PCCA: variants seen among roughly 807,000 people sequenced by gnomAD.
PCCA encodes the protein propionyl-CoA carboxylase subunit alpha, also known as propionyl-CoA carboxylase alpha chain, mitochondrial.
Under a neutral mutation model 101.3 loss-of-function variants are expected in PCCA, and 74 were observed. The observed-to-expected ratio is 0.73, with a 90% CI of 0.61 to 0.89. The LOEUF (loss-of-function observed/expected upper bound fraction) is 0.89. Ranked by LOEUF, PCCA falls within the 40% of genes least tolerant of loss-of-function variation. The pLI, the probability that PCCA is intolerant of heterozygous loss-of-function variation, is 0.00. For synonymous variants in PCCA, 294 were observed against 313.6 expected, an observed-to-expected ratio of 0.94 and a Z score of 0.66; for missense variants, 891 against 907.0, an observed-to-expected ratio of 0.98 and a Z score of 0.23.
At chr13:100,240,801 C>T (rs780680380) in intron 8 of PCCA, among the ~76,000 whole-genome samples, 1 of 151,970 alleles carries the variant, frequency 6.6e-6, no homozygotes, top group Non-Finnish European at 1.5e-5. Context: ...AGTATATGTC[C>T]CATTAAATAC....
chr13:100,150,536 G>A, intron 4 of PCCA: 1 of 1,324,630 alleles, frequency 7.5e-7, no homozygotes. Flanking sequence ...TCCCCGGCGA[G>A]AACCACCAAT....
chr13:100,210,939 A>T (rs1051449940), intron 7 of PCCA, among the ~76,000 whole-genome samples: 1 of 152,250 alleles, frequency 6.6e-6, no homozygotes, highest in African/African-American at 2.4e-5. Context: ...TACAAGGAAG[A>T]GGTGTTCCAC....
intron 6 of PCCA, among the ~76,000 whole-genome samples, chr13:100,208,938 A>G (rs1483726981): frequency 6.6e-6 from 1 of 152,198 alleles, no homozygotes; most frequent in Non-Finnish European, 1.5e-5. Context: ...TTCAGGAAAT[A>G]TGGATATTTG....
intron 22 of PCCA, among the ~76,000 whole-genome samples, chr13:100,520,592 G>A (rs543636748): frequency 3.0e-3 from 370 of 123,612 alleles, no homozygotes; most frequent in African/African-American, 9.5e-3. Flanking sequence ...CGGAGATCGC[G>A]CCACAGCACT....
At chr13:100,098,652 G>T (rs1277415453) in intron 1 of PCCA, among the ~76,000 whole-genome samples, 1 of 152,196 alleles carries the variant, frequency 6.6e-6, no homozygotes, top group South Asian at 2.1e-4. Flanking sequence ...TGCTACAGCG[G>T]GATGGGGAAG....
chr13:100,179,506 G>A (rs1182986658), intron 6 of PCCA, among the ~76,000 whole-genome samples: 5 of 152,106 alleles, frequency 3.3e-5, no homozygotes, highest in Non-Finnish European at 7.3e-5. Flanking sequence ...TCATTTCTGC[G>A]TTTTCAGCTC....
At chr13:100,439,159 A>G (rs924420862) in intron 20 of PCCA, among the ~76,000 whole-genome samples, 2 of 152,200 alleles carry the variant, frequency 1.3e-5, no homozygotes, top group Non-Finnish European at 2.9e-5. Flanking sequence ...TAAACCAGAG[A>G]GTGTTTACAG....
intron 12 of PCCA, among the ~76,000 whole-genome samples, chr13:100,294,663 T>C (rs891933238): frequency 6.6e-6 from 1 of 152,192 alleles, no homozygotes; most frequent in African/African-American, 2.4e-5. Flanking sequence ...CATATTTAGT[T>C]TTCCAAGATG....
chr13:100,101,685 C>T (rs999451355), intron 1 of PCCA, among the ~76,000 whole-genome samples: 11 of 152,190 alleles, frequency 7.2e-5, no homozygotes, highest in Admixed American at 6.5e-4. Context: ...CAGCAACCTC[C>T]ACCTCCTGGG....
At chr13:100,118,140 AG>A (rs1244185782) in intron 4 of PCCA, among the ~76,000 whole-genome samples, 4 of 148,690 alleles carry the variant, frequency 2.7e-5, no homozygotes, top group African/African-American at 5.1e-5. Flanking sequence ...AAAAAAAAAA[AG>A]AAAATAAGTT....
chr13:100,234,773 T>C (rs2060685978), intron 7 of PCCA, among the ~76,000 whole-genome samples: 1 of 151,796 alleles, frequency 6.6e-6, no homozygotes, highest in Non-Finnish European at 1.5e-5. Context: ...TAAAAAACAC[T>C]GGGCTTCACT....
intron 19 of PCCA, among the ~76,000 whole-genome samples, chr13:100,409,289 G>C (rs2077879044): frequency 6.6e-6 from 1 of 152,178 alleles, no homozygotes; most frequent in Admixed American, 6.5e-5. Flanking sequence ...TTCACTCACT[G>C]CTTCTTGAGC....
At chr13:100,159,003 T>A (rs2054157029) in intron 6 of PCCA, among the ~76,000 whole-genome samples, 1 of 149,166 alleles carries the variant, frequency 6.7e-6, no homozygotes, top group Non-Finnish European at 1.5e-5. Flanking sequence ...CCTATACAGT[T>A]AATACATTTA....
intron 19 of PCCA, among the ~76,000 whole-genome samples, chr13:100,404,195 G>A (rs185972353): frequency 3.9e-5 from 6 of 152,288 alleles, no homozygotes; most frequent in Admixed American, 1.3e-4. Flanking sequence ...GAAACCAGAG[G>A]ACGGGTAAAG....
At chr13:100,529,001 A>G (rs2088128984) in intron 23 of PCCA, among the ~76,000 whole-genome samples, 1 of 152,144 alleles carries the variant, frequency 6.6e-6, no homozygotes, top group Admixed American at 6.5e-5. Context: ...CTGAAGGGGC[A>G]TGGTGCCATG....
intron 10 of PCCA, among the ~76,000 whole-genome samples, chr13:100,264,644 T>C (rs557721409): frequency 5.3e-5 from 8 of 152,276 alleles, no homozygotes; most frequent in Admixed American, 4.6e-4. Context: ...TGATGGATCT[T>C]TGGGTTTTTA....
At chr13:100,469,465 T>A (rs999188489) in intron 21 of PCCA, among the ~76,000 whole-genome samples, 6 of 152,034 alleles carry the variant, frequency 3.9e-5, no homozygotes, top group Non-Finnish European at 8.8e-5. Context: ...TTCCTTGGCC[T>A]TTCTTGTACG....
At chr13:100,444,535 C>T (rs548189667) in intron 20 of PCCA, among the ~76,000 whole-genome samples, 8 of 142,570 alleles carry the variant, frequency 5.6e-5, no homozygotes, top group Admixed American at 4.6e-4. Flanking sequence ...CTCTGCCTCC[C>T]GGGTTCACGC....
chr13:100,379,663 G>A (rs1448364655), intron 19 of PCCA, among the ~76,000 whole-genome samples: 1 of 152,148 alleles, frequency 6.6e-6, no homozygotes, highest in Non-Finnish European at 1.5e-5. Context: ...GAAGATGAAG[G>A]AAGAGCAGAG....
Sources: allele counts gnomAD v4.1 joint callset (sites outside exome capture counted in the v4.1 genomes callset), GRCh38; gene constraint gnomAD v4.1.1; transcripts MANE v1.5; gene names NCBI Gene and HGNC (gene_info 2026-07-23, HGNC 2026-07-21).